The following PPP2R5C variants were observed in gnomAD, a reference collection of about 807,000 sequenced individuals.
PPP2R5C encodes the protein protein phosphatase 2 regulatory subunit B'gamma, also known as serine/threonine-protein phosphatase 2A 56 kDa regulatory subunit gamma isoform.
Under a neutral mutation model 68.9 loss-of-function variants are expected in PPP2R5C, and 7 were observed. The ratio of observed to expected loss-of-function variants is 0.10; its 90% confidence interval spans 0.06 to 0.19. The LOEUF (loss-of-function observed/expected upper bound fraction) is 0.19, where lower values mean the gene tolerates loss of function less well. Ranked by LOEUF, PPP2R5C falls within the 10% of genes least tolerant of loss-of-function variation. PPP2R5C has a pLI of 1.00. For synonymous variants in PPP2R5C, 210 were observed against 222.2 expected, an observed-to-expected ratio of 0.95 and a Z score of 0.49; for missense variants, 348 against 641.3, an observed-to-expected ratio of 0.54 and a Z score of 4.94.
At chr14:101,791,329 A>G (rs2038355964) in intron 3 of PPP2R5C, among the ~76,000 whole-genome samples, 1 of 151,952 alleles carries the variant, frequency 6.6e-6, no homozygotes, top group Non-Finnish European at 1.5e-5. Context: ...CCTGTTAGCC[A>G]TTTGTCTCTC....
At chr14:101,889,506 C>T (rs1446645063) in intron 5 of PPP2R5C, among the ~76,000 whole-genome samples, 2 of 152,204 alleles carry the variant, frequency 1.3e-5, no homozygotes, top group Non-Finnish European at 2.9e-5. Context: ...GCCCTGGGAA[C>T]ATAGTCACGA....
chr14:101,809,398 A>C (rs1325682603), upstream of PPP2R5C, among the ~76,000 whole-genome samples: 1 of 150,818 alleles, frequency 6.6e-6, no homozygotes, highest in Non-Finnish European at 1.5e-5. Flanking sequence ...TTGTTAAAAA[A>C]AAAAAACAAA....
At chr14:101,907,385 G>A (rs1236435124) in intron 10 of PPP2R5C, among the ~76,000 whole-genome samples, 2 of 151,942 alleles carry the variant, frequency 1.3e-5, no homozygotes, top group African/African-American at 2.4e-5. Context: ...TGCCCAGGCT[G>A]GTCTCGAACT....
upstream of PPP2R5C, chr14:101,761,858 C>G: frequency 9.2e-7 from 1 of 1,083,990 alleles, no homozygotes; most frequent in South Asian, 4.4e-5. Flanking sequence ...CAGGCGGCGG[C>G]AGGGGCGGCG....
chr14:101,872,219 C>CTTT (rs386382344), intron 2 of PPP2R5C, among the ~76,000 whole-genome samples: 12,050 of 91,002 alleles, frequency 0.13, 1,312 homozygotes, highest in African/African-American at 0.28. Flanking sequence ...TTTCTTTTGC[C>CTTT]TTTTTTTTTT....
chr14:101,846,437 G>C (rs747522190), intron 1 of PPP2R5C, among the ~76,000 whole-genome samples: 1 of 152,200 alleles, frequency 6.6e-6, no homozygotes, highest in Non-Finnish European at 1.5e-5. Flanking sequence ...GATAAAATAA[G>C]ACACTTGCAC....
chr14:101,832,401 G>C (rs937662674), intron 1 of PPP2R5C, among the ~76,000 whole-genome samples: 4 of 152,170 alleles, frequency 2.6e-5, no homozygotes, highest in African/African-American at 7.2e-5. Flanking sequence ...ATGGTTTCTT[G>C]GGTTATTATT....
chr14:101,890,053 C>T (rs2044765354), intron 5 of PPP2R5C, 184 bp from the exon 8 acceptor site: 2 of 694,402 alleles, frequency 2.9e-6, no homozygotes, highest in East Asian at 5.5e-5. Flanking sequence ...GCCCTCGAGG[C>T]ATTTACAGCT....
rs1247615802 is a variant in PPP2R5C, at chr14:101,915,859, A to T, written c.1327-1972A>T. Among the ~76,000 whole-genome samples the T allele has an allele frequency of 2.0e-5, 3 of 152,200 alleles. No individual in the cohort carries two copies. The highest frequency in any genetic ancestry group is 4.4e-5 in the Non-Finnish European group (3 of 68,032). On this transcript the variant is annotated intron_variant, in intron 12 of 13. Transcript: ENST00000334743. The surrounding 1 kb of genome is among the most constrained non-coding windows in gnomAD (Gnocchi z 4.2). ...GTGCTGGAGATGGCAGGACCAGCTT[A>T]TTCGTTCCCATCTCTAAAGAAAGAC...
intron 1 of PPP2R5C, among the ~76,000 whole-genome samples, chr14:101,847,362 C>T (rs988057919): frequency 9.9e-5 from 15 of 152,156 alleles, no homozygotes; most frequent in African/African-American, 3.4e-4. Flanking sequence ...TAACTTCAGG[C>T]CCCTGTGATT....
At chr14:101,817,920 C>G (rs2039819995) in intron 1 of PPP2R5C, 2 of 152,216 alleles carry the variant, frequency 1.3e-5, no homozygotes, top group Admixed American at 1.3e-4. Context: ...GTATGGTACT[C>G]TAGGGCCCCG....
At chr14:101,770,380 G>C (rs1399078757) in intron 2 of PPP2R5C, among the ~76,000 whole-genome samples, 1 of 152,168 alleles carries the variant, frequency 6.6e-6, no homozygotes, top group Non-Finnish European at 1.5e-5. Context: ...TTGAAGTGTA[G>C]CACCTGTTGC....
intron 2 of PPP2R5C, among the ~76,000 whole-genome samples, chr14:101,783,765 C>T (rs1041883722): frequency 2.6e-5 from 4 of 152,076 alleles, no homozygotes; most frequent in Admixed American, 6.6e-5. Context: ...CCAAGGTCCT[C>T]GCTGTGAGTG....
chr14:101,798,153 TAA>T (rs781608022), intron 3 of PPP2R5C, among the ~76,000 whole-genome samples: 4 of 143,656 alleles, frequency 2.8e-5, no homozygotes, highest in Non-Finnish European at 4.6e-5. Flanking sequence ...GTTTCCAGTT[TAA>T]AAAAAAAAAA....
chr14:101,845,895 T>TTTAC (rs2041798293), intron 1 of PPP2R5C, among the ~76,000 whole-genome samples: 1 of 152,302 alleles, frequency 6.6e-6, no homozygotes, highest in South Asian at 2.1e-4. Context: ...TATCCAAACA[T>TTTAC]GTAAACGAGT....
intron 8 of PPP2R5C, among the ~76,000 whole-genome samples, chr14:101,898,694 G>A (rs1454918777): frequency 3.3e-5 from 5 of 152,090 alleles, no homozygotes; most frequent in South Asian, 2.1e-4. Context: ...GTTCCCACCC[G>A]GGGACACTTC....
intron 1 of PPP2R5C, among the ~76,000 whole-genome samples, chr14:101,851,355 T>A (rs2042143295): frequency 6.6e-6 from 1 of 152,096 alleles, no homozygotes; most frequent in Non-Finnish European, 1.5e-5. Context: ...GGCTTGAGCC[T>A]GGAAGGTCAA....
At chr14:101,904,819 A>G (rs2045932073) in intron 9 of PPP2R5C, among the ~76,000 whole-genome samples, 1 of 152,212 alleles carries the variant, frequency 6.6e-6, no homozygotes, top group Non-Finnish European at 1.5e-5. Context: ...TGTTGACAGT[A>G]GTTATACAGG....
intron 2 of PPP2R5C, among the ~76,000 whole-genome samples, chr14:101,770,669 G>A (rs1257929759): frequency 3.3e-5 from 5 of 152,158 alleles, no homozygotes; most frequent in African/African-American, 4.8e-5. Context: ...CTTCGCTACG[G>A]TATATGCAAT....
Sources: gnomAD v4.1 joint callset for allele counts (sites outside exome capture counted in the v4.1 genomes callset) on GRCh38, gnomAD v4.1.1 for gene constraint, Gnocchi (gnomAD v3.1) non-coding constraint, MANE v1.5 for transcripts, NCBI Gene and HGNC (gene_info 2026-07-23, HGNC 2026-07-21) for gene names.